CNTNAP2: variants seen among roughly 807,000 people sequenced by gnomAD.
CNTNAP2 encodes contactin-associated protein-like 2.
Under a neutral mutation model 155.2 loss-of-function variants are expected in CNTNAP2, and 98 were observed. That is an observed-to-expected ratio of 0.63 (90% CI 0.54 to 0.75). CNTNAP2 has a LOEUF of 0.75. Among genes scored for constraint, CNTNAP2 ranks in the 30% least tolerant of loss-of-function variants. The pLI, the probability that CNTNAP2 is intolerant of heterozygous loss-of-function variation, is 0.00. For synonymous variants in CNTNAP2, 651 were observed against 631.2 expected (o/e 1.03, Z -0.47); for missense variants, 1,727 against 1,688.1 (o/e 1.02, Z -0.40).
At chr7:146,381,068 G>A (rs561972544) in intron 1 of CNTNAP2, among the ~76,000 whole-genome samples, 58 of 151,898 alleles carry the variant, frequency 3.8e-4, no homozygotes, top group Admixed American at 1.3e-3. Flanking sequence ...AAAGTGCTGG[G>A]ATTACAGGCG....
rs117212454 is a variant in CNTNAP2, at chr7:147,394,546, T to A, written c.1499-1063T>A. On this transcript the variant is annotated intron_variant, in intron 9 of 23. Transcript: ENST00000361727. ...GTTTAAATTTGCCCAGTAGGCAGAT[T>A]TGGTATGGTGAACCATATGAAAAGT... Among the ~76,000 whole-genome samples, 437 of 152,102 alleles carry A rather than the reference T, an allele frequency of 2.9e-3. 1 individual carries two copies. Among genetic ancestry groups the A allele is most frequent in the Non-Finnish European group, 4.6e-3 (311 of 67,942 alleles).
chr7:146,911,046 CAT>C (rs1796263887), intron 3 of CNTNAP2, among the ~76,000 whole-genome samples: 1 of 151,894 alleles, frequency 6.6e-6, no homozygotes, highest in Non-Finnish European at 1.5e-5. Flanking sequence ...CCAAAAAACA[CAT>C]GAAAAAATGC....
chr7:148,117,847 A>G (rs1298087555), intron 15 of CNTNAP2, among the ~76,000 whole-genome samples: 1 of 150,148 alleles, frequency 6.7e-6, no homozygotes, highest in African/African-American at 2.4e-5. Context: ...AATTTATAGA[A>G]ATTCTATATT....
chr7:147,558,697 T>TTTCCTTCC (rs151097268), intron 11 of CNTNAP2, among the ~76,000 whole-genome samples: 8,912 of 148,646 alleles, frequency 0.06, 343 homozygotes, highest in East Asian at 0.18. Context: ...TCGTTCGTTC[T>TTTCCTTCC]TTCCTTCCTT....
At chr7:147,217,086 T>TA (rs570297906) in intron 8 of CNTNAP2, among the ~76,000 whole-genome samples, 257 of 152,098 alleles carry the variant, frequency 1.7e-3, no homozygotes, top group Admixed American at 2.9e-3. Context: ...TTGTTGATTT[T>TA]AAAAAAATTC....
intron 3 of CNTNAP2, among the ~76,000 whole-genome samples, chr7:146,961,845 G>A (rs187771542): frequency 4.1e-4 from 63 of 152,244 alleles, no homozygotes; most frequent in African/African-American, 1.5e-3. Flanking sequence ...ATTCTCTGGG[G>A]AATGAGCTAA....
intron 17 of CNTNAP2, among the ~76,000 whole-genome samples, chr7:148,151,862 A>G (rs1271348177): frequency 2.0e-5 from 3 of 152,172 alleles, no homozygotes; most frequent in African/African-American, 7.2e-5. Flanking sequence ...GCCACAGAGC[A>G]GCAAACTAAG....
intron 4 of CNTNAP2, chr7:147,080,848 T>G (rs1411872387): frequency 6.6e-6 from 1 of 151,578 alleles, no homozygotes; most frequent in Non-Finnish European, 1.5e-5. Context: ...CTTCCTGACC[T>G]CCTCACCAAT....
intron 1 of CNTNAP2, among the ~76,000 whole-genome samples, chr7:146,530,886 G>T (rs1335297959): frequency 6.6e-6 from 1 of 152,102 alleles, no homozygotes; most frequent in Non-Finnish European, 1.5e-5. Context: ...TATACCCAAA[G>T]GAATATAAGT....
chr7:147,618,781 T>C (rs1291353604), intron 12 of CNTNAP2, among the ~76,000 whole-genome samples: 1 of 145,800 alleles, frequency 6.9e-6, no homozygotes, highest in Non-Finnish European at 1.5e-5. Context: ...TGTTTTTTGC[T>C]TTTTTTTCAC....
intron 21 of CNTNAP2, among the ~76,000 whole-genome samples, chr7:148,355,615 C>T (rs1798500580): frequency 2.0e-5 from 3 of 152,318 alleles, no homozygotes; most frequent in African/African-American, 7.2e-5. Context: ...TGACCTAGGT[C>T]AGAATGGCGT....
At chr7:148,289,501 T>G (rs1797152461) in intron 21 of CNTNAP2, among the ~76,000 whole-genome samples, 1 of 147,396 alleles carries the variant, frequency 6.8e-6, no homozygotes, top group Non-Finnish European at 1.5e-5. Context: ...AAACACCAAC[T>G]TACTTGGTTT....
At chr7:147,237,970 G>A (rs1803849634) in intron 8 of CNTNAP2, among the ~76,000 whole-genome samples, 1 of 152,220 alleles carries the variant, frequency 6.6e-6, no homozygotes, top group Non-Finnish European at 1.5e-5. Flanking sequence ...CAAAATAGTA[G>A]TAGACCCTAA....
chr7:146,726,271 C>T (rs1280980104), intron 1 of CNTNAP2, among the ~76,000 whole-genome samples: 1 of 152,122 alleles, frequency 6.6e-6, no homozygotes, highest in Non-Finnish European at 1.5e-5. Flanking sequence ...GGTAACAATA[C>T]ATGAATATTA....
At chr7:147,138,984 C>G (rs373149202) in intron 8 of CNTNAP2, among the ~76,000 whole-genome samples, 1 of 151,834 alleles carries the variant, frequency 6.6e-6, no homozygotes, top group Non-Finnish European at 1.5e-5. Context: ...AAAAAAAAAT[C>G]AGATATCACT....
chr7:147,907,611 C>A (rs1001492117), intron 14 of CNTNAP2, among the ~76,000 whole-genome samples: 31 of 151,958 alleles, frequency 2.0e-4, no homozygotes, highest in Non-Finnish European at 1.3e-4. Flanking sequence ...AGATTTGCCA[C>A]TTTTGGGGGA....
chr7:147,189,767 C>T (rs1046751311), intron 8 of CNTNAP2, among the ~76,000 whole-genome samples: 12 of 144,776 alleles, frequency 8.3e-5, no homozygotes, highest in East Asian at 2.1e-4. Context: ...GTTGTTGAGA[C>T]GGAGTCTCAC....
At chr7:147,502,729 G>A (rs926586578) in intron 11 of CNTNAP2, among the ~76,000 whole-genome samples, 5 of 126,990 alleles carry the variant, frequency 3.9e-5, no homozygotes, top group Middle Eastern at 3.6e-3. Context: ...GTGTGTGTGT[G>A]TGTGTGTGTG....
chr7:147,426,564 T>G (rs1797381620), intron 10 of CNTNAP2, among the ~76,000 whole-genome samples: 1 of 152,164 alleles, frequency 6.6e-6, no homozygotes, highest in South Asian at 2.1e-4. Flanking sequence ...CCTGCACAAC[T>G]AGGTCCATCA....
Sources: gnomAD v4.1 joint callset for allele counts (sites outside exome capture counted in the v4.1 genomes callset) on GRCh38, gnomAD v4.1.1 for gene constraint, MANE v1.5 for transcripts, NCBI Gene and HGNC (gene_info 2026-07-23, HGNC 2026-07-21) for gene names.